DYNC1H1: variants seen among roughly 807,000 people sequenced by gnomAD.
DYNC1H1 encodes the protein cytoplasmic dynein 1 heavy chain 1.
Under a neutral mutation model 527.1 loss-of-function variants are expected in DYNC1H1, and 51 were observed. The observed-to-expected ratio is 0.10, with a 90% CI of 0.08 to 0.12. DYNC1H1 has a LOEUF of 0.12. Ranked by LOEUF, DYNC1H1 falls within the 10% of genes least tolerant of loss-of-function variation. The pLI is 1.00. For missense variants in DYNC1H1, 2,771 were observed against 5,971.8 expected (o/e 0.46, Z 17.66); for synonymous variants, 2,189 against 2,278.8 (o/e 0.96, Z 1.12).
In DYNC1H1 at chr14:101,986,870, C is replaced by G. The variant is rs2047943759; in HGVS notation, c.2538+107C>G. On this transcript the variant is annotated intron_variant, in intron 8 of 77. Transcript: ENST00000360184. The surrounding 1 kb of genome is among the most constrained non-coding windows in gnomAD (Gnocchi z 8.7). ...CCGAAGAAGGCATGCATGGTTGATG[C>G]AGCATACGGCCATGTGAGCTGCAAG... 7.7e-7 allele frequency: 1 copy of G among 1,300,946 alleles called. No individual in the cohort carries two copies. Among genetic ancestry groups the G allele is most frequent in the Non-Finnish European group, 1.1e-6 (1 of 902,474 alleles). 80.6% of individuals were successfully genotyped at this position (1,300,946 alleles called of 1,614,324 possible). A position where few individuals can be genotyped will look rare whatever the true frequency, so the allele number is the denominator to read the frequency against.
At chr14:101,982,814 G>A (rs1240561789) in intron 5 of DYNC1H1, among the ~76,000 whole-genome samples, 5 of 152,036 alleles carry the variant, frequency 3.3e-5, no homozygotes, top group Non-Finnish European at 7.4e-5. Context: ...GAGTATGTAG[G>A]AATTGACTCA....
intron 42 of DYNC1H1, among the ~76,000 whole-genome samples, chr14:102,021,206 C>T (rs2048379950): frequency 1.3e-5 from 2 of 152,052 alleles, no homozygotes; most frequent in Admixed American, 6.6e-5. Flanking sequence ...GTGAGACCCC[C>T]ATCTCTACAA....
chr14:102,042,846 C>T lies in DYNC1H1; in HGVS notation c.12513+98C>T, dbSNP rs966794643. On this transcript the variant is annotated intron_variant, in intron 69 of 77. Coordinates refer to ENST00000360184, the MANE Select transcript of DYNC1H1 (RefSeq NM_001376.5). This position sits in a 1 kb window ranked among gnomAD's most constrained non-coding sequence, Gnocchi z 5.7. ...TGGGTCCCTGGGCCCCCGGAAGTGC[C>T]GTGTGGTGAACTGCACAGCTGCTTT... The T allele has an allele frequency of 8.7e-6, 12 of 1,374,948 alleles. No individual in the cohort carries two copies. The highest frequency in any genetic ancestry group is 1.1e-5 in the Non-Finnish European group (11 of 984,448). 85.2% of individuals were successfully genotyped at this position (1,374,948 alleles called of 1,614,324 possible). A position where few individuals can be genotyped will look rare whatever the true frequency, so the allele number is the denominator to read the frequency against.
At chr14:102,026,543 A>G (rs1243354195) in intron 43 of DYNC1H1, 31 bp from the exon 44 acceptor site, 1 of 1,613,278 alleles carries the variant, frequency 6.2e-7, no homozygotes, top group African/African-American at 1.3e-5. Context: ...TTTTTTTCTA[A>G]GTAATTTGGG....
chr14:101,974,466 C>T (rs918464362), intron 1 of DYNC1H1, among the ~76,000 whole-genome samples: 5 of 152,122 alleles, frequency 3.3e-5, no homozygotes, highest in African/African-American at 1.2e-4. Flanking sequence ...TTAAATTAAT[C>T]CATAGATTGT....
Position 102,033,551 on chromosome 14 carries a change from T to G in DYNC1H1, c.10413+67T>G. On this transcript the variant is annotated intron_variant, in intron 54 of 77. Transcript: ENST00000360184. This position sits in a 1 kb window ranked among gnomAD's most constrained non-coding sequence, Gnocchi z 5.6. ...AAGCAGAGATTAACACACTTCAACA[T>G]GCGCTGCATGCACCATGCTGGCCTC... 1 of 1,581,830 alleles carries G rather than the reference T, an allele frequency of 6.3e-7. No individual in the cohort carries two copies.
intron 69 of DYNC1H1, chr14:102,043,019 C>T (rs2048670854): frequency 6.5e-6 from 3 of 462,754 alleles, no homozygotes; most frequent in Non-Finnish European, 8.0e-6. Flanking sequence ...TGGTGGCTCA[C>T]GCCTGTAATC....
chr14:102,049,380 C>T lies in DYNC1H1; in HGVS notation c.13373-60C>T. On this transcript the variant is annotated intron_variant, in intron 74 of 77. Coordinates refer to ENST00000360184, the MANE Select transcript of DYNC1H1 (RefSeq NM_001376.5). This position sits in a 1 kb window ranked among gnomAD's most constrained non-coding sequence, Gnocchi z 5.5. ...ATGCCTAGCACTTGCACATTTGTTC[C>T]ATCTGTGCTGGGGGAGTTGTGAGAG... 6.2e-7 allele frequency: 1 copy of T among 1,610,628 alleles called. No individual in the cohort carries two copies. The highest frequency in any genetic ancestry group is 8.5e-7 in the Non-Finnish European group (1 of 1,179,760).
At position 102,016,602 on chromosome 14, in the gene DYNC1H1, TAGA is replaced by T. The variant is rs374926981; in HGVS notation, c.7614+116_7614+118del. The T allele has an allele frequency of 3.1e-5, 49 of 1,592,784 alleles. 2 individuals carry two copies. In the African/African-American group the frequency reaches 4.3e-4, roughly 14 times the overall value. On this transcript the variant is annotated intron_variant, in intron 37 of 77. Coordinates refer to ENST00000360184, the MANE Select transcript of DYNC1H1 (RefSeq NM_001376.5). The surrounding 1 kb of genome is among the most constrained non-coding windows in gnomAD (Gnocchi z 7.3). ...CGTCTTTTCATTTTATTCCATTTCATAGAAGGACTTTATCCTTTTAGTTCCATG... is the reference window on the plus strand; with the variant it reads ...CGTCTTTTCATTTTATTCCATTTCATAGGACTTTATCCTTTTAGTTCCATG...
In DYNC1H1 at chr14:102,011,432, T is replaced by G. The variant is rs776070567; in HGVS notation, c.6619-443T>G. 6.4e-5 allele frequency: 22 copies of G among 342,790 alleles called. No homozygotes were observed. The highest frequency in any genetic ancestry group is 1.2e-4 in the Non-Finnish European group (21 of 177,630). 21.2% of individuals were successfully genotyped at this position (342,790 alleles called of 1,614,324 possible). A position where few individuals can be genotyped will look rare whatever the true frequency, so the allele number is the denominator to read the frequency against. On this transcript the variant is annotated intron_variant, in intron 32 of 77. Transcript: ENST00000360184. The surrounding 1 kb of genome is among the most constrained non-coding windows in gnomAD (Gnocchi z 5.3). ...CACATAGCTCATCCATTGGGTCTCT[T>G]GTTGTCCTCGGCGGGATCTGATGTG...
rs1478727165 is a variant in DYNC1H1 at position 102,015,707 on chromosome 14, C to G, written c.7243-149C>G. On this transcript the variant is annotated intron_variant, in intron 35 of 77. Coordinates refer to ENST00000360184, the MANE Select transcript of DYNC1H1 (RefSeq NM_001376.5). This position sits in a 1 kb window ranked among gnomAD's most constrained non-coding sequence, Gnocchi z 6.9. ...GGGAAGCAGGGTTTTTGAGAACCAC[C>G]AGGGTGAAGGAATGAGGACTGGTCA... 4 of 911,788 alleles carry G rather than the reference C, an allele frequency of 4.4e-6. No homozygotes were observed. The East Asian group carries it at 1.1e-4, about 24-fold the overall frequency. The allele number at this position is 911,788 out of a possible 1,614,324, so 56.5% of individuals were successfully genotyped here.
At chr14:101,970,760 G>A (rs1190804733) in intron 1 of DYNC1H1, among the ~76,000 whole-genome samples, 59 of 152,198 alleles carry the variant, frequency 3.9e-4, no homozygotes, top group African/African-American at 1.4e-3. Context: ...TGGGACTGCA[G>A]GCGTGAGCCA....
chr14:102,042,865 C>T lies in DYNC1H1; in HGVS notation c.12513+117C>T. On this transcript the variant is annotated intron_variant, in intron 69 of 77. Coordinates refer to ENST00000360184, the MANE Select transcript of DYNC1H1 (RefSeq NM_001376.5). This position sits in a 1 kb window ranked among gnomAD's most constrained non-coding sequence, Gnocchi z 5.7. ...AAGTGCCGTGTGGTGAACTGCACAG[C>T]TGCTTTTGCTTTTCAGCTGTAGGTA... 3.3e-6 allele frequency: 4 copies of T among 1,204,716 alleles called. No individual in the cohort carries two copies. The Admixed American group carries it at 7.9e-5, about 24-fold the overall frequency. The allele number at this position is 1,204,716 out of a possible 1,614,324, so 74.6% of individuals were successfully genotyped here.
chr14:102,003,114 C>A, intron 23 of DYNC1H1, 149 bp downstream of exon 23: 1 of 1,093,118 alleles, frequency 9.1e-7, no homozygotes, highest in Non-Finnish European at 1.3e-6. Context: ...GATTACCATT[C>A]CCTTCCCTGT....
intron 29 of DYNC1H1, chr14:102,009,621 T>C (rs898036061): frequency 8.4e-6 from 5 of 596,212 alleles, no homozygotes; most frequent in Non-Finnish European, 1.4e-5. Flanking sequence ...TGGCTTGACC[T>C]GGGACACGTG....
intron 9 of DYNC1H1, among the ~76,000 whole-genome samples, 181 bp downstream of exon 9, chr14:101,987,813 C>G (rs367855151): frequency 1.3e-5 from 2 of 152,206 alleles, no homozygotes; most frequent in African/African-American, 2.4e-5. Flanking sequence ...AGTGGCTCAT[C>G]ATGCCTGTAA....
chr14:101,970,473 G>GTTTTTTTTT (rs958653217), intron 1 of DYNC1H1, among the ~76,000 whole-genome samples: 7 of 81,466 alleles, frequency 8.6e-5, no homozygotes, highest in East Asian at 4.3e-4. Context: ...GTTTGTTGTT[G>GTTTTTTTTT]TTTTTTTTTT....
intron 34 of DYNC1H1, among the ~76,000 whole-genome samples, chr14:102,014,205 AGTG>A: frequency 6.6e-6 from 1 of 152,268 alleles, no homozygotes; most frequent in South Asian, 2.1e-4. Flanking sequence ...ACTTACTAGC[AGTG>A]GGACCCCAGC....
chr14:101,988,294 T>C (rs1227036354), intron 9 of DYNC1H1, among the ~76,000 whole-genome samples: 1 of 152,142 alleles, frequency 6.6e-6, no homozygotes, highest in Non-Finnish European at 1.5e-5. Context: ...CAACACCCAA[T>C]TTAGAAACAG....
Sources: allele counts gnomAD v4.1 joint callset (sites outside exome capture counted in the v4.1 genomes callset), GRCh38; gene constraint gnomAD v4.1.1; non-coding constraint Gnocchi (gnomAD v3.1); transcripts MANE v1.5; gene names NCBI Gene and HGNC (gene_info 2026-07-23, HGNC 2026-07-21).